The following HERC6 variants were observed in gnomAD, a reference collection of about 807,000 sequenced individuals.
HERC6 encodes the protein probable E3 ubiquitin-protein ligase HERC6.
A neutral mutation model predicts 114.5 loss-of-function variants in HERC6; 101 were observed. The ratio of observed to expected loss-of-function variants is 0.88; its 90% CI spans 0.75 to 1.04. HERC6 has a LOEUF of 1.04. Among genes scored for constraint, HERC6 ranks in the 50% least tolerant of loss-of-function variants. HERC6 has a pLI of 0.00. For synonymous variants in HERC6, 408 were observed against 436.2 expected, an observed-to-expected ratio of 0.94 and a Z score of 0.81; for missense variants, 1,133 against 1,230.9, an observed-to-expected ratio of 0.92 and a Z score of 1.19.
chr4:88,436,010 G>A (rs1738698367), intron 18 of HERC6, 119 bp downstream of exon 18: 1 of 692,026 alleles, frequency 1.4e-6, no homozygotes, highest in African/African-American at 1.9e-5. Flanking sequence ...GTATGCTCTT[G>A]AGAGGAATTT....
At chr4:88,386,538 G>C (rs545419183) in intron 3 of HERC6, among the ~76,000 whole-genome samples, 1 of 152,054 alleles carries the variant, frequency 6.6e-6, no homozygotes, top group Non-Finnish European at 1.5e-5. Flanking sequence ...GTGCACAAGA[G>C]TTCACAGAAA....
At chr4:88,434,158 T>C (rs1738513532) in intron 17 of HERC6, among the ~76,000 whole-genome samples, 1 of 152,218 alleles carries the variant, frequency 6.6e-6, no homozygotes, top group Non-Finnish European at 1.5e-5. Flanking sequence ...TAATATGTAA[T>C]AGTTTTTGAG....
chr4:88,407,881 T>C (rs779351729), intron 10 of HERC6, among the ~76,000 whole-genome samples: 8 of 152,102 alleles, frequency 5.3e-5, no homozygotes, highest in Non-Finnish European at 7.4e-5. Context: ...TTATTTACAA[T>C]TGGGAGTCTG....
chr4:88,397,048 T>G, intron 7 of HERC6, 61 bp downstream of exon 7: 1 of 1,456,244 alleles, frequency 6.9e-7, no homozygotes, highest in South Asian at 1.4e-5. Context: ...AGAACTAGTA[T>G]TCAGCTTCCT....
At chr4:88,419,641 A>G (rs756063278) in intron 13 of HERC6, among the ~76,000 whole-genome samples, 1 of 152,192 alleles carries the variant, frequency 6.6e-6, no homozygotes, top group Non-Finnish European at 1.5e-5. Context: ...GATTCTGAGA[A>G]ATTCTTAAGT....
At chr4:88,427,617 A>T (rs962470102) in intron 15 of HERC6, among the ~76,000 whole-genome samples, 2 of 152,156 alleles carry the variant, frequency 1.3e-5, no homozygotes, top group African/African-American at 2.4e-5. Context: ...GGTGGCAGAT[A>T]CCCAGGGCAG....
intron 1 of HERC6, among the ~76,000 whole-genome samples, chr4:88,379,709 A>G (rs1734074640): frequency 9.2e-6 from 1 of 109,240 alleles, no homozygotes; most frequent in Non-Finnish European, 1.7e-5. Flanking sequence ...ATAAATATAT[A>G]ATATATAAAT....
At chr4:88,437,070 T>TA in intron 19 of HERC6, 99 bp downstream of exon 19, 1 of 854,470 alleles carries the variant, frequency 1.2e-6, no homozygotes, top group Non-Finnish European at 1.8e-6. Flanking sequence ...CTTTTTTTTT[T>TA]TATTGAGGCA....
rs1225441840 is a variant in HERC6, at chr4:88,431,201, G to T, written c.2146G>T (p.Val716Phe). Residue 716 changes from valine to phenylalanine, a missense_variant, in exon 17 of 23, where the codon GTT (valine) becomes TTT (phenylalanine). Physicochemically the swap from Val to Phe is conservative, Grantham distance 50 (BLOSUM62 -1). Coordinates refer to ENST00000264346, the MANE Select transcript of HERC6 (RefSeq NM_017912.4). ...INEICPESGG[V>F]SSEFFHCMFE... The stretch of plus-strand genomic sequence containing the variant: ...TGAAATTTGTCCTGAGTCTGGAGGG[G>T]TTAGTTCAGAGTTCTTCCACTGTAT... 6.2e-7 allele frequency: 1 copy of T among 1,613,140 alleles called. No individual in the cohort carries two copies. The highest frequency in any genetic ancestry group is 1.1e-5 in the South Asian group (1 of 90,918).
chr4:88,417,366 CAG>C lies in HERC6; in HGVS notation c.1559-55_1559-54del, dbSNP rs1364450539. The C allele has an allele frequency of 9.4e-6, 14 of 1,484,160 alleles. No individual in the cohort carries two copies. The African/African-American group carries it at 9.8e-5, about 10-fold the overall frequency. The allele number at this position is 1,484,160 out of a possible 1,614,324, so 91.9% of individuals were successfully genotyped here. On this transcript the variant is annotated intron_variant, in intron 12 of 22. Coordinates refer to ENST00000264346, the MANE Select transcript of HERC6 (RefSeq NM_017912.4). ...CTTACATTAAAGAACCCACTAGAAA[CAG>C]AGATTTGGGGGGTGGTAGGAAAAAC...
chr4:88,401,669 A>T (rs1361155484), intron 8 of HERC6, among the ~76,000 whole-genome samples: 2 of 152,114 alleles, frequency 1.3e-5, no homozygotes, highest in African/African-American at 4.8e-5. Context: ...TGGGAAGGTG[A>T]TTAGTTCTTG....
intron 13 of HERC6, 84 bp downstream of exon 13, chr4:88,417,663 T>G (rs1736623141): frequency 3.4e-6 from 4 of 1,175,458 alleles, no homozygotes; most frequent in Admixed American, 3.1e-5. Flanking sequence ...TTCTAAGAAG[T>G]CAAATAAAAA....
At chr4:88,389,417 T>C (rs1734775583) in intron 3 of HERC6, among the ~76,000 whole-genome samples, 1 of 152,126 alleles carries the variant, frequency 6.6e-6, no homozygotes, top group Non-Finnish European at 1.5e-5. Context: ...ATCAGTGAGG[T>C]GCTATTGTCA....
In HERC6 at chr4:88,417,423, A is replaced by G. The variant is rs1736592174; in HGVS notation, c.1559-2A>G. ...TTATCATGGCTAATTTTACACCCCC[A>G]GAGAAGTGTTGGGCATTTTTGCAAG... On this transcript the variant is annotated splice_acceptor_variant, in intron 12 of 22. Transcript: ENST00000264346. LOFTEE classifies it high-confidence loss of function. 1.2e-6 allele frequency: 2 copies of G among 1,607,330 alleles called. No individual in the cohort carries two copies. Among genetic ancestry groups the G allele is most frequent in the East Asian group, 4.5e-5 (2 of 44,696 alleles).
At chr4:88,419,140 ATGGATACTGT>A (rs1302132222) in intron 13 of HERC6, among the ~76,000 whole-genome samples, 1 of 152,242 alleles carries the variant, frequency 6.6e-6, no homozygotes, top group East Asian at 1.9e-4. Flanking sequence ...AAAGGGCCCA[ATGGATACTGT>A]TAGATCAACT....
chr4:88,396,799 CA>C, intron 6 of HERC6, 51 bp from the exon 7 acceptor site: 1 of 1,426,768 alleles, frequency 7.0e-7, no homozygotes, highest in Non-Finnish European at 9.3e-7. Flanking sequence ...TCATCTTTCT[CA>C]AAAGCCATGA....
intron 20 of HERC6, 33 bp from the exon 21 acceptor site, chr4:88,439,841 T>C (rs778827609): frequency 7.7e-5 from 105 of 1,358,212 alleles, no homozygotes; most frequent in Middle Eastern, 4.2e-4. Flanking sequence ...TTCCTTCCTT[T>C]CTTTTTTTTT....
chr4:88,388,380 G>A (rs970594693), intron 3 of HERC6, among the ~76,000 whole-genome samples: 5 of 151,884 alleles, frequency 3.3e-5, no homozygotes, highest in African/African-American at 7.3e-5. Context: ...AGGAAACCCC[G>A]TCTCTACTAA....
chr4:88,413,207 T>G lies in HERC6; in HGVS notation c.1499T>G (p.Leu500Arg), dbSNP rs568739878. Reference sequence around the variant, plus strand: ...CATGATTCTAAGAACTGGAAGAACCTGGTGGTTCCATTTGCAAAGGCTGTG... The same window carrying G: ...CATGATTCTAAGAACTGGAAGAACCGGGTGGTTCCATTTGCAAAGGCTGTG... ...VMHDSKNWKN[L>R]VVPFAKAVCE... is the part of the protein sequence containing the mutation. Residue 500 changes from leucine to arginine, a missense_variant, in exon 12 of 23, where the codon CTG becomes CGG. Physicochemically the swap from Leu to Arg is moderately radical, Grantham distance 102 (BLOSUM62 -2). Around this residue, in one of 3 missense-constraint regions of HERC6, gnomAD observed 735 missense variants for 754.0 expected, o/e 0.97. Coordinates refer to ENST00000264346, the MANE Select transcript of HERC6 (RefSeq NM_017912.4). 14 of 1,613,222 alleles carry G rather than the reference T, an allele frequency of 8.7e-6. No homozygotes were observed. The South Asian group carries it at 1.5e-4, about 18-fold the overall frequency.
Sources: gnomAD v4.1 joint callset for allele counts (sites outside exome capture counted in the v4.1 genomes callset) on GRCh38, gnomAD v4.1.1 for gene constraint, gnomAD v4.1.1 regional missense constraint, MANE v1.5 for transcripts, NCBI Gene and HGNC (gene_info 2026-07-23, HGNC 2026-07-21) for gene names.